The following FANCI variants were observed in gnomAD, a reference collection of about 807,000 sequenced individuals.
FANCI encodes the protein Fanconi anemia group I protein.
FANCI carries 156 observed loss-of-function variants against 176.1 expected under a neutral mutation model. That is an observed-to-expected ratio of 0.89 (90% CI 0.78 to 1.01). The LOEUF is 1.01. Ranked by LOEUF, FANCI falls within the 50% of genes least tolerant of loss-of-function variation. The probability of loss-of-function intolerance (pLI) is 0.00; values close to 1 mark genes in which losing one functional copy is unlikely to be tolerated. For synonymous variants in FANCI, 613 were observed against 541.7 expected, an observed-to-expected ratio of 1.13 and a Z score of -1.83; for missense variants, 1,678 against 1,534.1, an observed-to-expected ratio of 1.09 and a Z score of -1.57.
chr15:89,262,323 T>C (rs1453003860), intron 6 of FANCI, among the ~76,000 whole-genome samples: 1 of 152,112 alleles, frequency 6.6e-6, no homozygotes, highest in Non-Finnish European at 1.5e-5. Context: ...TCTGGGAATC[T>C]ACATTAAAGA....
chr15:89,260,841 G>A lies in FANCI; in HGVS notation c.286G>A (p.Glu96Lys), dbSNP rs149243307. 5.9e-4 allele frequency: 958 copies of A among 1,613,630 alleles called. 4 individuals carry two copies. In the East Asian group the frequency reaches 0.012, roughly 21 times the overall value. ...TGAGATCATAGGATTACTGATGCTG[G>A]AGGTAAGATGGCAAACAAAAACTTT... is the stretch of plus-strand genomic sequence containing the variant. Reference protein sequence around the residue: ...ASEIIGLLMLEAHHFPGPLLV... With the variant: ...ASEIIGLLMLKAHHFPGPLLV... Residue 96 changes from glutamate (E) to lysine (K), a missense_variant and splice_region_variant, in exon 4 of 38, where the codon GAG (glutamate) becomes AAG (lysine). Around this residue, in one of 3 missense-constraint regions of FANCI, gnomAD observed 469 missense variants for 436.9 expected, o/e 1.07. Coordinates refer to ENST00000310775, the MANE Select transcript of FANCI (RefSeq NM_001113378.2).
At chr15:89,313,107 A>G in intron 35 of FANCI, 135 bp downstream of exon 35, 1 of 870,902 alleles carries the variant, frequency 1.1e-6, no homozygotes. Context: ...AATCATCTAA[A>G]AAGGCAAACT....
intron 17 of FANCI, 30 bp from the exon 18 acceptor site, chr15:89,285,066 T>C (rs1322964285): frequency 6.2e-7 from 1 of 1,613,696 alleles, no homozygotes; most frequent in Non-Finnish European, 8.5e-7. Flanking sequence ...TTTGGTAAGA[T>C]AGACGTGAAT....
intron 4 of FANCI, 122 bp downstream of exon 4, chr15:89,260,965 GT>G (rs755872886): frequency 4.7e-6 from 6 of 1,284,846 alleles, no homozygotes; most frequent in Non-Finnish European, 6.7e-6. Flanking sequence ...AAGACCTGTT[GT>G]TAAAAAACAA....
chr15:89,288,575 G>A (rs765749938), intron 18 of FANCI, among the ~76,000 whole-genome samples: 18 of 148,470 alleles, frequency 1.2e-4, no homozygotes, highest in Non-Finnish European at 2.5e-4. Context: ...ATAATTTTTG[G>A]TTACTAAATC....
At chr15:89,250,607 A>T (rs2151094218) in intron 2 of FANCI, among the ~76,000 whole-genome samples, 1 of 151,816 alleles carries the variant, frequency 6.6e-6, no homozygotes, top group East Asian at 1.9e-4. Flanking sequence ...TGACGAGTTA[A>T]TGGGTGCAGC....
intron 34 of FANCI, among the ~76,000 whole-genome samples, chr15:89,309,505 A>G (rs1406270270): frequency 6.6e-6 from 1 of 152,148 alleles, no homozygotes; most frequent in Non-Finnish European, 1.5e-5. Context: ...TGAGGTAAGA[A>G]GATCACTTGA....
chr15:89,312,070 G>C (rs979374409), intron 34 of FANCI, among the ~76,000 whole-genome samples: 3 of 152,112 alleles, frequency 2.0e-5, no homozygotes, highest in African/African-American at 7.2e-5. Context: ...CCCTTCTTGA[G>C]CATGATAACC....
chr15:89,251,727 T>C (rs1426047778), intron 2 of FANCI, among the ~76,000 whole-genome samples: 1 of 152,210 alleles, frequency 6.6e-6, no homozygotes, highest in Non-Finnish European at 1.5e-5. Context: ...ACTATAAAGA[T>C]TATACGATTA....
Position 89,250,758 on chromosome 15 carries a change from T to G in FANCI, c.84+3027T>G, listed in dbSNP as rs141823134. ...TAAATAACTCTTGGAGGAAAAGAGA[T>G]ACAAACAAATTACAGGATTTTTGAA... On this transcript the variant is annotated intron_variant, in intron 2 of 37. Coordinates refer to ENST00000310775, the MANE Select transcript of FANCI (RefSeq NM_001113378.2). Among the ~76,000 whole-genome samples the G allele has an allele frequency of 2.6e-3, 391 of 150,674 alleles. 2 individuals are homozygous for G. Among genetic ancestry groups the G allele is most frequent in the African/African-American group, 9.2e-3 (380 of 41,252 alleles).
In FANCI at chr15:89,303,857, A is replaced by G. The variant is rs778906473; in HGVS notation, c.3007-7A>G. On this transcript the variant is annotated splice_region_variant and splice_polypyrimidine_tract_variant and intron_variant, in intron 27 of 37. Transcript: ENST00000310775. The stretch of plus-strand genomic sequence containing the variant: ...TTTCTTTAATATCTGAATGATCTCT[A>G]ATTTAGTTTGTGCAGATGTTATCCT... The G allele has an allele frequency of 1.5e-5, 24 of 1,613,130 alleles. No individual in the cohort carries two copies. In the Admixed American group the frequency reaches 2.3e-4, roughly 16 times the overall value.
chr15:89,301,759 C>T (rs963614830), intron 27 of FANCI, among the ~76,000 whole-genome samples: 2 of 152,130 alleles, frequency 1.3e-5, no homozygotes, highest in Non-Finnish European at 2.9e-5. Flanking sequence ...AACCTGTGTT[C>T]TTTGCCACTC....
chr15:89,266,490 G>A (rs931503657), intron 9 of FANCI, among the ~76,000 whole-genome samples: 4 of 151,016 alleles, frequency 2.6e-5, no homozygotes, highest in African/African-American at 9.8e-5. Context: ...CACCACGCCC[G>A]GCTACTTTTT....
intron 2 of FANCI, among the ~76,000 whole-genome samples, chr15:89,258,027 ATCT>A (rs750597269): frequency 1.3e-5 from 2 of 151,312 alleles, no homozygotes; most frequent in African/African-American, 2.4e-5. Context: ...CTTCAAACTC[ATCT>A]TCTACTACTC....
In FANCI at chr15:89,281,168, A is replaced by G; in HGVS notation, c.1382-2A>G. 6.2e-7 allele frequency: 1 copy of G among 1,613,276 alleles called. No homozygotes were observed. Among genetic ancestry groups the G allele is most frequent in the Non-Finnish European group, 8.5e-7 (1 of 1,179,468 alleles). The stretch of plus-strand genomic sequence containing the variant: ...CAACTGATTATAGATTCTGTTTTTC[A>G]GACCTGCTTTCAAATATCGTCATGT... On this transcript the variant is annotated splice_acceptor_variant, in intron 14 of 37. Coordinates refer to ENST00000310775, the MANE Select transcript of FANCI (RefSeq NM_001113378.2). LOFTEE classifies it high-confidence loss of function.
At chr15:89,308,540 T>C (rs2054819316) in intron 34 of FANCI, among the ~76,000 whole-genome samples, 1 of 152,220 alleles carries the variant, frequency 6.6e-6, no homozygotes, top group Non-Finnish European at 1.5e-5. Flanking sequence ...ACCACTTTGG[T>C]AGTGATGCTT....
At chr15:89,314,526 C>G in intron 35 of FANCI, 86 bp from the exon 36 acceptor site, 2 of 967,088 alleles carry the variant, frequency 2.1e-6, no homozygotes, top group South Asian at 2.6e-5. Context: ...CCCCTAAAGC[C>G]ATACAGTTTT....
chr15:89,244,424 C>A (rs1012687811), intron 1 of FANCI: 18 of 152,216 alleles, frequency 1.2e-4, no homozygotes, highest in African/African-American at 4.3e-4. Context: ...AAGGGAAGGC[C>A]GCGGCGTTTC....
intron 9 of FANCI, among the ~76,000 whole-genome samples, chr15:89,266,667 T>G (rs2052976373): frequency 6.6e-6 from 1 of 150,746 alleles, no homozygotes; most frequent in Admixed American, 6.6e-5. Flanking sequence ...CTAGAGATGG[T>G]CTCACTGTGT....
Sources: gnomAD v4.1 joint callset for allele counts (sites outside exome capture counted in the v4.1 genomes callset) on GRCh38, gnomAD v4.1.1 for gene constraint, gnomAD v4.1.1 regional missense constraint, MANE v1.5 for transcripts, NCBI Gene and HGNC (gene_info 2026-07-23, HGNC 2026-07-21) for gene names.